The following PLCH1 variants were observed in gnomAD, a reference collection of about 807,000 sequenced individuals.
PLCH1 encodes the protein phospholipase C eta 1, also known as 1-phosphatidylinositol 4,5-bisphosphate phosphodiesterase eta-1.
In PLCH1, 60 loss-of-function variants were observed where a neutral mutation model predicts 126.7. The observed-to-expected ratio is 0.47, with a 90% CI of 0.38 to 0.59. PLCH1 has a LOEUF of 0.59. Ranked by LOEUF, PLCH1 falls within the 20% of genes least tolerant of loss-of-function variation. The probability of loss-of-function intolerance (pLI) is 0.00; values close to 1 mark genes in which losing one functional copy is unlikely to be tolerated. For synonymous variants in PLCH1, 719 were observed against 734.9 expected, an observed-to-expected ratio of 0.98 and a Z score of 0.35; for missense variants, 1,723 against 2,040.0, an observed-to-expected ratio of 0.84 and a Z score of 2.99.
chr3:155,647,556 T>C (rs1180334937), intron 2 of PLCH1, among the ~76,000 whole-genome samples: 1 of 151,846 alleles, frequency 6.6e-6, no homozygotes. Flanking sequence ...ACAAAGAGCA[T>C]TAGGAAAAAA....
At chr3:155,569,557 A>G (rs946544503) in intron 6 of PLCH1, among the ~76,000 whole-genome samples, 1 of 152,188 alleles carries the variant, frequency 6.6e-6, no homozygotes, top group Non-Finnish European at 1.5e-5. Context: ...ACCTGAAAGT[A>G]TTATAAATAA....
intron 10 of PLCH1, among the ~76,000 whole-genome samples, chr3:155,545,134 C>A (rs551008603): frequency 4.6e-5 from 7 of 150,576 alleles, no homozygotes; most frequent in South Asian, 2.1e-4. Context: ...AATTGATAGA[C>A]CGCTAGCAAG....
chr3:155,732,043 A>T (rs953431512), intron 1 of PLCH1, among the ~76,000 whole-genome samples: 3 of 151,818 alleles, frequency 2.0e-5, no homozygotes, highest in Non-Finnish European at 4.4e-5. Flanking sequence ...TGAACAAAAT[A>T]AAACACTACT....
intron 2 of PLCH1, among the ~76,000 whole-genome samples, chr3:155,698,686 A>C (rs1415277237): frequency 1.3e-5 from 2 of 152,226 alleles, no homozygotes; most frequent in African/African-American, 4.8e-5. Flanking sequence ...CCCAAAGAGA[A>C]CAACTCACCC....
chr3:155,705,972 G>A (rs190596313), intron 1 of PLCH1, among the ~76,000 whole-genome samples: 106 of 151,554 alleles, frequency 7.0e-4, no homozygotes, highest in African/African-American at 2.4e-3. Flanking sequence ...TCCAGAGATC[G>A]AGCCCAGCCT....
At chr3:155,583,030 A>G (rs926536456) in intron 6 of PLCH1, among the ~76,000 whole-genome samples, 1 of 151,412 alleles carries the variant, frequency 6.6e-6, no homozygotes, top group African/African-American at 2.4e-5. Context: ...ATTATGCCAT[A>G]GTTAAATATC....
chr3:155,558,154 T>C (rs1727080628), intron 8 of PLCH1, among the ~76,000 whole-genome samples: 1 of 152,186 alleles, frequency 6.6e-6, no homozygotes, highest in Admixed American at 6.5e-5. Flanking sequence ...AATAGAAGCT[T>C]GAAAGTAGAG....
At chr3:155,492,882 C>A in intron 17 of PLCH1, 29 bp from the exon 18 acceptor site, 2 of 1,545,416 alleles carry the variant, frequency 1.3e-6, no homozygotes, top group Non-Finnish European at 8.7e-7. Context: ...AAGTTGGTAA[C>A]ATAAGAAGAA....
intron 2 of PLCH1, among the ~76,000 whole-genome samples, chr3:155,608,667 C>T (rs1325415572): frequency 3.3e-5 from 5 of 152,100 alleles, no homozygotes; most frequent in African/African-American, 9.7e-5. Flanking sequence ...ATAATTCCAT[C>T]GGCCATCCCA....
At chr3:155,581,994 C>T (rs1730756383) in intron 6 of PLCH1, among the ~76,000 whole-genome samples, 3 of 151,336 alleles carry the variant, frequency 2.0e-5, no homozygotes, top group Non-Finnish European at 4.4e-5. Context: ...GTGATCTGCC[C>T]GCCTCAGTCT....
Position 155,494,477 on chromosome 3 carries a change from T to C in PLCH1, c.1935A>G (p.Ala645=). The C allele has an allele frequency of 6.2e-7, 1 of 1,614,120 alleles. No individual in the cohort carries two copies. The highest frequency in any genetic ancestry group is 1.1e-5 in the South Asian group (1 of 91,082). Residue 645 remains alanine, a synonymous_variant, in exon 16 of 23, where the codon GCA becomes GCG. Coordinates refer to ENST00000460012, the MANE Select transcript of PLCH1 (RefSeq NM_014996.4). ...GNVLSFSETR[A]HQVVQQKSEQ... ...CTGATTTTTGCTGAACAACCTGATG[T>C]GCTCTTGTTTCACTGAATGATAACA...
At chr3:155,571,765 T>C (rs1560185223) in intron 6 of PLCH1, among the ~76,000 whole-genome samples, 1 of 152,224 alleles carries the variant, frequency 6.6e-6, no homozygotes, top group East Asian at 1.9e-4. Context: ...ATTGACTTCT[T>C]ACTGTGTTAG....
chr3:155,560,979 T>G (rs1174356740), intron 8 of PLCH1, among the ~76,000 whole-genome samples: 1 of 152,178 alleles, frequency 6.6e-6, no homozygotes, highest in East Asian at 1.9e-4. Context: ...GATTTAGATA[T>G]AAACCAAAAG....
At chr3:155,687,181 A>G (rs555002598) in intron 2 of PLCH1, among the ~76,000 whole-genome samples, 10 of 152,348 alleles carry the variant, frequency 6.6e-5, no homozygotes, top group African/African-American at 1.9e-4. Context: ...CAATAAATTT[A>G]TCAATGAGAG....
At chr3:155,555,750 C>T (rs1726741215) in intron 8 of PLCH1, among the ~76,000 whole-genome samples, 1 of 152,176 alleles carries the variant, frequency 6.6e-6, no homozygotes, top group Admixed American at 6.6e-5. Context: ...ATCCCCTTCT[C>T]ATTTTGCTTA....
rs566568623 is a variant in PLCH1 at position 155,514,977 on chromosome 3, T to C, written c.1471-93A>G. ...TCAAGCCACAATTGCTTCTATAATT[T>C]CACTTCTCTCAATTACTTGTAAGAA... On this transcript the variant is annotated intron_variant, in intron 11 of 22. Coordinates refer to ENST00000460012, the MANE Select transcript of PLCH1 (RefSeq NM_014996.4). 3.1e-5 allele frequency: 23 copies of C among 744,344 alleles called. No homozygotes were observed. The African/African-American group carries it at 3.7e-4, about 12-fold the overall frequency. The allele number at this position is 744,344 out of a possible 1,614,324, so 46.1% of individuals were successfully genotyped here.
intron 2 of PLCH1, among the ~76,000 whole-genome samples, chr3:155,677,106 T>C (rs7645934): frequency 0.048 from 7,280 of 152,290 alleles, 460 homozygotes; most frequent in African/African-American, 0.14. Flanking sequence ...AACTCTCTCA[T>C]TCCAGCATTC....
At chr3:155,620,367 A>G (rs1398541074) in intron 2 of PLCH1, among the ~76,000 whole-genome samples, 2 of 152,202 alleles carry the variant, frequency 1.3e-5, no homozygotes, top group African/African-American at 4.8e-5. Context: ...GGTAGACCAT[A>G]CAACAAGAAT....
At chr3:155,514,944 C>T (rs539422989) in intron 11 of PLCH1, 60 bp from the exon 12 acceptor site, 2 of 1,153,406 alleles carry the variant, frequency 1.7e-6, no homozygotes, top group Admixed American at 5.0e-5. Context: ...TTAGAATATA[C>T]CCTTTGATCA....
Sources: gnomAD v4.1 joint callset for allele counts (sites outside exome capture counted in the v4.1 genomes callset) on GRCh38, gnomAD v4.1.1 for gene constraint, MANE v1.5 for transcripts, NCBI Gene and HGNC (gene_info 2026-07-23, HGNC 2026-07-21) for gene names.